AP2B1: variants seen among roughly 807,000 people sequenced by gnomAD.
The protein encoded by AP2B1 is AP-2 complex subunit beta.
A neutral mutation model predicts 102.0 loss-of-function variants in AP2B1; 23 were observed. The observed-to-expected ratio is 0.23, with a 90% CI of 0.16 to 0.32. AP2B1 has a LOEUF of 0.32. Ranked by LOEUF, AP2B1 falls within the 10% of genes least tolerant of loss-of-function variation. The pLI, the probability that AP2B1 is intolerant of heterozygous loss-of-function variation, is 1.00. For missense variants in AP2B1, 541 were observed against 1,157.4 expected, an observed-to-expected ratio of 0.47 and a Z score of 7.73; for synonymous variants, 381 against 421.2, an observed-to-expected ratio of 0.90 and a Z score of 1.17.
At chr17:35,656,120 ATTAC>A (rs1213054492) in intron 13 of AP2B1, among the ~76,000 whole-genome samples, 6 of 152,126 alleles carry the variant, frequency 3.9e-5, no homozygotes, top group Non-Finnish European at 8.8e-5. Flanking sequence ...AGTTCAGTTT[ATTAC>A]TTTTTTTCTT....
intron 3 of AP2B1, among the ~76,000 whole-genome samples, chr17:35,602,551 A>G (rs2073524882): frequency 6.6e-6 from 1 of 152,264 alleles, no homozygotes; most frequent in Non-Finnish European, 1.5e-5. Context: ...GAACAGATGA[A>G]TTAATTTTAG....
chr17:35,640,180 G>A (rs1163131489), intron 11 of AP2B1, among the ~76,000 whole-genome samples: 2 of 151,126 alleles, frequency 1.3e-5, no homozygotes, highest in Non-Finnish European at 2.9e-5. Context: ...GCCTCCCAGA[G>A]TGCTGGGATT....
chr17:35,720,565 ATATATATATTTT>A (rs1183211784), intron 21 of AP2B1, among the ~76,000 whole-genome samples: 6 of 52,376 alleles, frequency 1.1e-4, no homozygotes, highest in African/African-American at 3.7e-4. Context: ...ATATATATAT[ATATATATATTTT>A]TTTTTTTTTT....
intron 5 of AP2B1, among the ~76,000 whole-genome samples, chr17:35,613,895 G>A (rs1023538296): frequency 2.6e-5 from 4 of 152,146 alleles, no homozygotes; most frequent in Non-Finnish European, 5.9e-5. Flanking sequence ...TCCAGAATAA[G>A]GAAACATTTT....
chr17:35,671,047 T>C (rs2075576772), intron 15 of AP2B1, 149 bp downstream of exon 15: 1 of 755,782 alleles, frequency 1.3e-6, no homozygotes, highest in Non-Finnish European at 2.2e-6. Flanking sequence ...GAAAGTAGTA[T>C]AGGGTTACTT....
intron 15 of AP2B1, 71 bp downstream of exon 15, chr17:35,670,969 T>C: frequency 6.6e-7 from 1 of 1,504,542 alleles, no homozygotes; most frequent in Non-Finnish European, 9.2e-7. Flanking sequence ...ATGTACACAT[T>C]ATCAGACCAG....
chr17:35,592,667 C>T (rs1188189371), intron 1 of AP2B1, among the ~76,000 whole-genome samples: 2 of 152,144 alleles, frequency 1.3e-5, no homozygotes, highest in Admixed American at 6.5e-5. Context: ...CTCAGCCTCC[C>T]AAGTAGCTGG....
At chr17:35,641,760 C>T (rs2074788231) in intron 11 of AP2B1, 117 bp from the exon 12 acceptor site, 1 of 640,256 alleles carries the variant, frequency 1.6e-6, no homozygotes, top group Admixed American at 3.0e-5. Context: ...TGTCTCTTAA[C>T]CAAAATCAGA....
chr17:35,712,995 T>C (rs1211094278), intron 20 of AP2B1, among the ~76,000 whole-genome samples: 2 of 152,016 alleles, frequency 1.3e-5, no homozygotes, highest in Non-Finnish European at 2.9e-5. Context: ...AAAAAGAAAA[T>C]AGAAGTTGGG....
chr17:35,595,551 GAA>G (rs976587705), intron 2 of AP2B1, among the ~76,000 whole-genome samples: 1 of 151,780 alleles, frequency 6.6e-6, no homozygotes, highest in East Asian at 1.9e-4. Context: ...TGTCTCAAAA[GAA>G]AAAAATTAAA....
intron 21 of AP2B1, among the ~76,000 whole-genome samples, chr17:35,717,703 ATAGT>A (rs1387497291): frequency 1.3e-5 from 2 of 152,250 alleles, no homozygotes; most frequent in Non-Finnish European, 2.9e-5. Flanking sequence ...GATTGTTTAC[ATAGT>A]TAATGTCCAG....
At chr17:35,689,272 C>T (rs904030825) in intron 18 of AP2B1, among the ~76,000 whole-genome samples, 25 of 152,236 alleles carry the variant, frequency 1.6e-4, no homozygotes, top group South Asian at 6.2e-4. Context: ...CTCTGCCTCC[C>T]GGGTTCAAGT....
rs1412742494 is a variant in AP2B1, at chr17:35,624,427, G to A, written c.556G>A (p.Glu186Lys). Residue 186 changes from glutamate (E) to lysine (K), a missense_variant, in exon 6 of 22, where the codon GAA becomes AAA. Transcript: ENST00000610402. ...VVANAVAALS[E>K]ISESHPNSNL... Reference sequence around the variant, plus strand: ...GGCTAATGCCGTAGCGGCATTATCTGAAATCAGTGAGTCTCACCCAAACAG... The same window carrying A: ...GGCTAATGCCGTAGCGGCATTATCTAAAATCAGTGAGTCTCACCCAAACAG... The A allele has an allele frequency of 6.2e-7, 1 of 1,614,052 alleles. No individual in the cohort carries two copies. Among genetic ancestry groups the A allele is most frequent in the Admixed American group, 1.7e-5 (1 of 60,004 alleles).
At chr17:35,596,165 T>G (rs994564311) in intron 2 of AP2B1, among the ~76,000 whole-genome samples, 10 of 152,242 alleles carry the variant, frequency 6.6e-5, no homozygotes, top group Non-Finnish European at 4.4e-5. Context: ...TTCTGTTACA[T>G]CCTGCTTTGA....
chr17:35,645,743 G>A (rs2074914679), intron 12 of AP2B1, among the ~76,000 whole-genome samples: 1 of 152,170 alleles, frequency 6.6e-6, no homozygotes, highest in Non-Finnish European at 1.5e-5. Flanking sequence ...CAACTACTCG[G>A]GAGGCTGAGG....
At chr17:35,650,122 G>C (rs968973647) in intron 12 of AP2B1, among the ~76,000 whole-genome samples, 3 of 152,004 alleles carry the variant, frequency 2.0e-5, no homozygotes, top group African/African-American at 4.8e-5. Flanking sequence ...GCTAATTTTT[G>C]TATTTTTAGT....
At chr17:35,667,629 G>A (rs547175384) in intron 14 of AP2B1, among the ~76,000 whole-genome samples, 2 of 152,304 alleles carry the variant, frequency 1.3e-5, no homozygotes, top group East Asian at 3.9e-4. Context: ...GGCTATGAAT[G>A]TGCTTTCTTT....
chr17:35,702,952 T>C (rs2076265888), intron 18 of AP2B1, among the ~76,000 whole-genome samples: 1 of 152,168 alleles, frequency 6.6e-6, no homozygotes, highest in African/African-American at 2.4e-5. Flanking sequence ...ATTCAACCCT[T>C]GTGGAAGACA....
chr17:35,642,308 AGTACCAT>A (rs35885566), intron 12 of AP2B1, among the ~76,000 whole-genome samples: 94,125 of 151,196 alleles, frequency 0.62, 29,287 homozygotes, highest in Non-Finnish European at 0.65. Flanking sequence ...TTCAAATGAA[AGTACCAT>A]GTGGAGATAA....
Sources: allele counts gnomAD v4.1 joint callset (sites outside exome capture counted in the v4.1 genomes callset), GRCh38; gene constraint gnomAD v4.1.1; transcripts MANE v1.5; gene names NCBI Gene and HGNC (gene_info 2026-07-23, HGNC 2026-07-21).